Variants in CNTNAP5 observed in about 807,000 individuals in gnomAD.
CNTNAP5 encodes the protein contactin-associated protein-like 5.
Under a neutral mutation model 150.2 loss-of-function variants are expected in CNTNAP5, and 72 were observed. The observed-to-expected ratio is 0.48, with a 90% CI of 0.40 to 0.58. The LOEUF is 0.58. Among genes scored for constraint, CNTNAP5 ranks in the 20% least tolerant of loss-of-function variants. The pLI is 0.00. For synonymous variants in CNTNAP5, 672 were observed against 619.8 expected, an observed-to-expected ratio of 1.08 and a Z score of -1.25; for missense variants, 1,636 against 1,626.2, an observed-to-expected ratio of 1.01 and a Z score of -0.10.
intron 3 of CNTNAP5, among the ~76,000 whole-genome samples, chr2:124,415,743 CG>C (rs1312830991): frequency 6.6e-6 from 1 of 152,104 alleles, no homozygotes; most frequent in Non-Finnish European, 1.5e-5. Context: ...ATGATGAAAA[CG>C]TTCTGGGGAA....
intron 11 of CNTNAP5, among the ~76,000 whole-genome samples, chr2:124,592,798 T>A (rs1234043100): frequency 1.3e-5 from 2 of 152,218 alleles, no homozygotes; most frequent in East Asian, 3.9e-4. Flanking sequence ...TATATTCCTA[T>A]AGGTTGCTAC....
intron 1 of CNTNAP5, among the ~76,000 whole-genome samples, chr2:124,101,839 T>C (rs1336463715): frequency 6.6e-6 from 1 of 152,188 alleles, no homozygotes; most frequent in Non-Finnish European, 1.5e-5. Context: ...CATTGATCAC[T>C]TATTTCAGGC....
At chr2:124,445,708 G>T (rs1348522723) in intron 5 of CNTNAP5, among the ~76,000 whole-genome samples, 1 of 152,202 alleles carries the variant, frequency 6.6e-6, no homozygotes, top group African/African-American at 2.4e-5. Flanking sequence ...GGTTGAACAG[G>T]CTGCTGCAGC....
chr2:124,509,673 C>T (rs902763778), intron 8 of CNTNAP5, among the ~76,000 whole-genome samples: 6 of 152,190 alleles, frequency 3.9e-5, no homozygotes, highest in African/African-American at 9.6e-5. Flanking sequence ...TACACAGTAT[C>T]CTGCTGCTCT....
chr2:124,509,600 T>A (rs1435220843), intron 8 of CNTNAP5, among the ~76,000 whole-genome samples: 1 of 152,238 alleles, frequency 6.6e-6, no homozygotes, highest in Non-Finnish European at 1.5e-5. Context: ...GAATTTAAGT[T>A]AAAGTAGCCA....
intron 3 of CNTNAP5, among the ~76,000 whole-genome samples, chr2:124,319,964 C>T (rs1689059106): frequency 6.6e-6 from 1 of 152,146 alleles, no homozygotes; most frequent in African/African-American, 2.4e-5. Context: ...AAGATTGTAT[C>T]CCTTCTCTAC....
intron 7 of CNTNAP5, among the ~76,000 whole-genome samples, chr2:124,490,277 G>A (rs1458628761): frequency 6.6e-6 from 1 of 151,254 alleles, no homozygotes; most frequent in East Asian, 2.0e-4. Flanking sequence ...GAGTTTGCAG[G>A]GGACCAAGAA....
At chr2:124,873,859 T>C (rs1263203547) in intron 21 of CNTNAP5, among the ~76,000 whole-genome samples, 1 of 152,090 alleles carries the variant, frequency 6.6e-6, no homozygotes, top group African/African-American at 2.4e-5. Context: ...ATCTAGTGTC[T>C]CAGTTTTCTT....
chr2:124,442,133 T>A (rs1692689700), intron 5 of CNTNAP5, among the ~76,000 whole-genome samples: 1 of 152,114 alleles, frequency 6.6e-6, no homozygotes, highest in African/African-American at 2.4e-5. Flanking sequence ...AGTGGCAAAC[T>A]TTCTGAGCCA....
chr2:124,810,191 T>G (rs1398260920), intron 19 of CNTNAP5, among the ~76,000 whole-genome samples: 1 of 152,202 alleles, frequency 6.6e-6, no homozygotes, highest in Non-Finnish European at 1.5e-5. Flanking sequence ...CTTAGCACCT[T>G]AACGCAACAC....
chr2:124,557,702 G>A (rs950424865), intron 10 of CNTNAP5, among the ~76,000 whole-genome samples: 1 of 152,100 alleles, frequency 6.6e-6, no homozygotes, highest in Non-Finnish European at 1.5e-5. Flanking sequence ...AAATAAAATG[G>A]CAGGAAAAGA....
Position 124,025,365 on chromosome 2 carries a change from A to T in CNTNAP5, c.-286A>T. ...CGCCTGTCGTTCTAATTGGGTTTGG[A>T]TTTGCACCGTTAAGGAGGGGGGAAG... is the stretch of plus-strand genomic sequence containing the variant. On this transcript the variant is annotated 5_prime_UTR_variant, in exon 1 of 24. Transcript: ENST00000682447. 2.2e-6 allele frequency: 1 copy of T among 451,466 alleles called. No individual in the cohort carries two copies. The highest frequency in any genetic ancestry group is 4.1e-6 in the Non-Finnish European group (1 of 243,866). 28.0% of individuals were successfully genotyped at this position (451,466 alleles called of 1,614,324 possible). A position where few individuals can be genotyped will look rare whatever the true frequency, so the allele number is the denominator to read the frequency against.
chr2:124,632,629 T>C (rs1481165096), intron 12 of CNTNAP5, among the ~76,000 whole-genome samples: 1 of 151,874 alleles, frequency 6.6e-6, no homozygotes, highest in East Asian at 1.9e-4. Flanking sequence ...GATGGGTTGA[T>C]AGGTGCAGCA....
At chr2:124,196,008 T>C (rs964905978) in intron 1 of CNTNAP5, among the ~76,000 whole-genome samples, 42 of 152,274 alleles carry the variant, frequency 2.8e-4, no homozygotes, top group African/African-American at 8.7e-4. Flanking sequence ...TCACAGTACT[T>C]TTTGGACTCA....
At position 124,025,631 on chromosome 2, in the gene CNTNAP5, G is replaced by A. The variant is rs1478207754; in HGVS notation, c.-20G>A. On this transcript the variant is annotated 5_prime_UTR_variant, in exon 1 of 24. Coordinates refer to ENST00000682447, the MANE Select transcript of CNTNAP5 (RefSeq NM_001367498.1). Reference sequence around the variant, plus strand: ...TGCGAATTTGGGATTCGATTGGGAGGGACCGCTCACTCGGGGGAAATGGAT... The same window carrying A: ...TGCGAATTTGGGATTCGATTGGGAGAGACCGCTCACTCGGGGGAAATGGAT... 6.2e-7 allele frequency: 1 copy of A among 1,612,682 alleles called. No homozygotes were observed. Among genetic ancestry groups the A allele is most frequent in the East Asian group, 2.2e-5 (1 of 44,816 alleles).
chr2:124,174,522 G>A (rs1025331286), intron 1 of CNTNAP5, among the ~76,000 whole-genome samples: 4 of 152,176 alleles, frequency 2.6e-5, no homozygotes, highest in East Asian at 3.8e-4. Context: ...CTATAGATGT[G>A]GTGGAAAGAG....
At chr2:124,905,699 G>C (rs1053474688) in intron 22 of CNTNAP5, among the ~76,000 whole-genome samples, 6 of 152,116 alleles carry the variant, frequency 3.9e-5, no homozygotes, top group Non-Finnish European at 7.4e-5. Context: ...GAAGTGCTAG[G>C]GTTGGTCAGG....
chr2:124,741,807 T>G (rs1680502544), intron 13 of CNTNAP5, among the ~76,000 whole-genome samples: 2 of 152,132 alleles, frequency 1.3e-5, no homozygotes, highest in African/African-American at 4.8e-5. Flanking sequence ...CCGCTTTTAC[T>G]TCCTCTCCCT....
intron 21 of CNTNAP5, among the ~76,000 whole-genome samples, chr2:124,873,590 G>T (rs1677794650): frequency 6.6e-6 from 1 of 152,004 alleles, no homozygotes; most frequent in Non-Finnish European, 1.5e-5. Flanking sequence ...TGAACATTCA[G>T]GCTTATTATT....
Sources: allele counts gnomAD v4.1 joint callset (sites outside exome capture counted in the v4.1 genomes callset), GRCh38; gene constraint gnomAD v4.1.1; transcripts MANE v1.5; gene names NCBI Gene and HGNC (gene_info 2026-07-23, HGNC 2026-07-21).